Variants in ADAM19 observed in about 807,000 individuals in gnomAD.
ADAM19 encodes the protein disintegrin and metalloproteinase domain-containing protein 19.
In ADAM19, 65 loss-of-function variants were observed where a neutral mutation model predicts 114.7. That is an observed-to-expected ratio of 0.57 (90% CI 0.46 to 0.70). ADAM19 has a LOEUF of 0.70. ADAM19 is among the 30% of genes least tolerant of loss of function. The probability of loss-of-function intolerance (pLI) is 0.00; values close to 1 mark genes in which losing one functional copy is unlikely to be tolerated. For missense variants in ADAM19, 1,063 were observed against 1,204.7 expected (o/e 0.88, Z 1.74); for synonymous variants, 466 against 460.5 (o/e 1.01, Z -0.15).
At chr5:157,540,679 G>A (rs766106725) in intron 3 of ADAM19, among the ~76,000 whole-genome samples, 6 of 152,134 alleles carry the variant, frequency 3.9e-5, no homozygotes, top group East Asian at 1.9e-4. Context: ...GAATAAACTC[G>A]CAAACGAATG....
rs1325563337 is a variant in ADAM19 at position 157,489,089 on chromosome 5, G to A, written c.2325+13C>T. The A allele has an allele frequency of 1.2e-6, 2 of 1,611,334 alleles. No homozygotes were observed. The highest frequency in any genetic ancestry group is 1.1e-5 in the South Asian group (1 of 90,956). On this transcript the variant is annotated intron_variant, in intron 20 of 22. Transcript: ENST00000257527. ...AGGAAAAGTAGCAAAGTTCAGTGGT[G>A]CAAAGCTCTTACCTTTCGCTTGCCC... is the stretch of plus-strand genomic sequence containing the variant.
Position 157,479,454 on chromosome 5 carries a change from G to T in ADAM19, c.*1495C>A. 3 of 985,948 alleles carry T rather than the reference G, an allele frequency of 3.0e-6. No homozygotes were observed. The African/African-American group carries it at 5.2e-5, about 17-fold the overall frequency. The allele number at this position is 985,948 out of a possible 1,614,324, so 61.1% of individuals were successfully genotyped here. On this transcript the variant is annotated 3_prime_UTR_variant, in exon 23 of 23. Transcript: ENST00000257527. ...GTGAGAGTCAGGCCAGCTCCTGTCC[G>T]GAGAGCCACCCAGCACCTTTGTGGA...
At chr5:157,496,767 G>T in intron 14 of ADAM19, 127 bp downstream of exon 14, 1 of 762,840 alleles carries the variant, frequency 1.3e-6, no homozygotes, top group Non-Finnish European at 2.0e-6. Flanking sequence ...CCTGAGTCAA[G>T]GGGATGAAAG....
At chr5:157,523,592 C>A (rs1043850258) in intron 5 of ADAM19, among the ~76,000 whole-genome samples, 3 of 152,246 alleles carry the variant, frequency 2.0e-5, no homozygotes, top group African/African-American at 4.8e-5. Flanking sequence ...ACAGGCTCCC[C>A]TTCACCTTCT....
intron 10 of ADAM19, among the ~76,000 whole-genome samples, chr5:157,506,835 G>A (rs569970781): frequency 3.0e-4 from 46 of 152,292 alleles, no homozygotes; most frequent in Non-Finnish European, 4.6e-4. Flanking sequence ...CAGGGTTCCT[G>A]AGCTTGAAGA....
In ADAM19 at chr5:157,491,469, C is replaced by T. The variant is rs1218349791; in HGVS notation, c.2095+146G>A. ...ACACTATGAGCAGTCGCTCCTCTCTCTTGGTCTGTCTTTATCCTGATTTCC... is the reference window on the plus strand; with the variant it reads ...ACACTATGAGCAGTCGCTCCTCTCTTTTGGTCTGTCTTTATCCTGATTTCC... On this transcript the variant is annotated intron_variant, in intron 18 of 22. Transcript: ENST00000257527. The T allele has an allele frequency of 5.1e-6, 3 of 592,262 alleles. No homozygotes were observed. In the African/African-American group the frequency reaches 5.6e-5, roughly 11 times the overall value. 36.7% of individuals were successfully genotyped at this position (592,262 alleles called of 1,614,324 possible). A position where few individuals can be genotyped will look rare whatever the true frequency, so the allele number is the denominator to read the frequency against.
intron 7 of ADAM19, among the ~76,000 whole-genome samples, chr5:157,518,448 G>T (rs1756159402): frequency 6.6e-6 from 1 of 152,144 alleles, no homozygotes; most frequent in Non-Finnish European, 1.5e-5. Context: ...GCAGTGGCAT[G>T]ATCTCAGCTC....
At chr5:157,506,360 A>T (rs1477613691) in intron 10 of ADAM19, among the ~76,000 whole-genome samples, 1 of 152,226 alleles carries the variant, frequency 6.6e-6, no homozygotes, top group Non-Finnish European at 1.5e-5. Context: ...TGTTTCCTGC[A>T]TTATTTCATT....
At chr5:157,499,775 T>A in intron 12 of ADAM19, 113 bp from the exon 13 acceptor site, 7 of 182,198 alleles carry the variant, frequency 3.8e-5, no homozygotes, top group East Asian at 1.1e-4. Flanking sequence ...AACTATCTCT[T>A]TTTTTTTTTT....
In ADAM19 at chr5:157,479,314, AGGAGGCCCTGG is replaced by A. The variant is rs1392253478; in HGVS notation, c.*1624_*1634del. 4 of 985,944 alleles carry A rather than the reference AGGAGGCCCTGG, an allele frequency of 4.1e-6. No homozygotes were observed. The African/African-American group carries it at 7.0e-5, about 17-fold the overall frequency. The allele number at this position is 985,944 out of a possible 1,614,324, so 61.1% of individuals were successfully genotyped here. ...CACCTATTGTGTGCAGAGAACTATA[AGGAGGCCCTGG>A]GGTGGTGAATCAGAAGCTCAGCCTC... is the stretch of plus-strand genomic sequence containing the variant. On this transcript the variant is annotated 3_prime_UTR_variant, in exon 23 of 23. Coordinates refer to ENST00000257527, the MANE Select transcript of ADAM19 (RefSeq NM_033274.5).
At chr5:157,509,023 C>T (rs1229498117) in intron 9 of ADAM19, among the ~76,000 whole-genome samples, 1 of 152,264 alleles carries the variant, frequency 6.6e-6, no homozygotes, top group African/African-American at 2.4e-5. Context: ...CAAATACATA[C>T]ACAATTATTT....
In ADAM19 at chr5:157,479,998, C is replaced by A; in HGVS notation, c.*951G>T. 1 of 985,920 alleles carries A rather than the reference C, an allele frequency of 1.0e-6. No homozygotes were observed. Among genetic ancestry groups the A allele is most frequent in the Non-Finnish European group, 1.2e-6 (1 of 829,968 alleles). 61.1% of individuals were successfully genotyped at this position (985,920 alleles called of 1,614,324 possible). ...GCCCCAAGTCTACTCTGGTCACACT[C>A]CTGAGAGCCAGTGAGGGAAATCCAG... On this transcript the variant is annotated 3_prime_UTR_variant, in exon 23 of 23. Transcript: ENST00000257527.
chr5:157,496,878 C>T lies in ADAM19; in HGVS notation c.1594+16G>A. 1 of 1,548,934 alleles carries T rather than the reference C, an allele frequency of 6.5e-7. No individual in the cohort carries two copies. The highest frequency in any genetic ancestry group is 2.5e-5 in the East Asian group (1 of 40,186). ...TGGTGGGCTGGGGAGAGCCGTGCTC[C>T]CCAGGAGAGCCTTACCGGGTCCCCA... On this transcript the variant is annotated intron_variant, in intron 14 of 22. Coordinates refer to ENST00000257527, the MANE Select transcript of ADAM19 (RefSeq NM_033274.5).
At chr5:157,541,506 G>C (rs1457968667) in intron 3 of ADAM19, among the ~76,000 whole-genome samples, 1 of 152,188 alleles carries the variant, frequency 6.6e-6, no homozygotes, top group African/African-American at 2.4e-5. Context: ...CTAGAGTTGA[G>C]CAAAATCTGG....
intron 3 of ADAM19, among the ~76,000 whole-genome samples, chr5:157,542,526 C>G (rs1040308573): frequency 6.6e-6 from 1 of 152,188 alleles, no homozygotes; most frequent in African/African-American, 2.4e-5. Context: ...AGCGTACAGC[C>G]AGGGCTGGGT....
intron 2 of ADAM19, among the ~76,000 whole-genome samples, chr5:157,569,416 CTTTTTTTTTTTT>C (rs1196722802): frequency 1.0e-5 from 1 of 97,872 alleles, no homozygotes; most frequent in East Asian, 2.8e-4. Flanking sequence ...AGCTAATTTT[CTTTTTTTTTTTT>C]TTTTTTTTTT....
intron 22 of ADAM19, chr5:157,481,540 C>T: frequency 7.0e-7 from 1 of 1,419,124 alleles, no homozygotes; most frequent in Non-Finnish European, 9.4e-7. Context: ...AGGGTCCCTC[C>T]CCAGGTCAGG....
intron 5 of ADAM19, among the ~76,000 whole-genome samples, chr5:157,520,522 G>A (rs917101934): frequency 1.3e-5 from 2 of 152,206 alleles, no homozygotes; most frequent in African/African-American, 2.4e-5. Flanking sequence ...ACAGTGGCCT[G>A]CAAGTGAGGT....
rs145700611 is a variant in ADAM19 at position 157,504,439 on chromosome 5, C to T, written c.1130+1230G>A. Among the ~76,000 whole-genome samples, 561 of 152,152 alleles carry T rather than the reference C, an allele frequency of 3.7e-3. 6 individuals carry two copies. Among genetic ancestry groups the T allele is most frequent in the African/African-American group, 0.013 (525 of 41,526 alleles). On this transcript the variant is annotated intron_variant, in intron 11 of 22. Coordinates refer to ENST00000257527, the MANE Select transcript of ADAM19 (RefSeq NM_033274.5). ...CTAATTTTTGTATTTTTAGCAGAGA[C>T]GGGGTTTCACCATGTTGGCCAGGCT...
Sources: allele counts gnomAD v4.1 joint callset (sites outside exome capture counted in the v4.1 genomes callset), GRCh38; gene constraint gnomAD v4.1.1; transcripts MANE v1.5; gene names NCBI Gene and HGNC (gene_info 2026-07-23, HGNC 2026-07-21).